BCO1: variants seen among roughly 807,000 people sequenced by gnomAD.
BCO1 encodes beta,beta-carotene 15,15'-dioxygenase.
Under a neutral mutation model 56.3 loss-of-function variants are expected in BCO1, and 54 were observed. That is an observed-to-expected ratio of 0.96 (90% CI 0.77 to 1.20). The LOEUF is 1.20. BCO1 is among the 50% of genes most tolerant of loss of function. The pLI is 0.00. For synonymous variants in BCO1, 318 were observed against 266.1 expected, an observed-to-expected ratio of 1.20 and a Z score of -1.90; for missense variants, 801 against 690.9, an observed-to-expected ratio of 1.16 and a Z score of -1.79.
At chr16:81,278,971 G>T (rs916103111) in intron 7 of BCO1, among the ~76,000 whole-genome samples, 1 of 152,104 alleles carries the variant, frequency 6.6e-6, no homozygotes, top group African/African-American at 2.4e-5. Context: ...AAATAGGTTG[G>T]TTTTAATTAT....
At chr16:81,244,097 G>A (rs1388775041) in intron 1 of BCO1, among the ~76,000 whole-genome samples, 1 of 152,222 alleles carries the variant, frequency 6.6e-6, no homozygotes, top group Non-Finnish European at 1.5e-5. Context: ...CTGCATGTAG[G>A]CAAAGCCTGC....
chr16:81,261,564 G>A (rs1446526699), intron 3 of BCO1, among the ~76,000 whole-genome samples: 5 of 152,088 alleles, frequency 3.3e-5, no homozygotes, highest in African/African-American at 9.7e-5. Context: ...TGGCTCTGAT[G>A]TTAGAGACCT....
At position 81,245,591 on chromosome 16, in the gene BCO1, A is replaced by G. The variant is rs761525134; in HGVS notation, c.181A>G (p.Thr61Ala). Residue 61 changes from threonine to alanine, a missense_variant, in exon 2 of 11, where the codon ACC becomes GCC. Transcript: ENST00000258168. ...FDGLALLHSF[T>A]IRDGEVYYRS... ...CGGCCTTGCCCTGCTCCACAGCTTCACCATCAGAGACGGTGAGAACACCCA... is the reference window on the plus strand; with the variant it reads ...CGGCCTTGCCCTGCTCCACAGCTTCGCCATCAGAGACGGTGAGAACACCCA... 4 of 1,614,056 alleles carry G rather than the reference A, an allele frequency of 2.5e-6. No individual in the cohort carries two copies. The highest frequency in any genetic ancestry group is 1.7e-6 in the Non-Finnish European group (2 of 1,180,042).
At chr16:81,266,787 C>T (rs759929633) in intron 5 of BCO1, among the ~76,000 whole-genome samples, 3 of 152,168 alleles carry the variant, frequency 2.0e-5, no homozygotes, top group Non-Finnish European at 4.4e-5. Flanking sequence ...TCCATGCTGG[C>T]GGTGGCACTG....
At chr16:81,250,342 C>G (rs1304623054) in intron 2 of BCO1, among the ~76,000 whole-genome samples, 1 of 152,182 alleles carries the variant, frequency 6.6e-6, no homozygotes, top group Non-Finnish European at 1.5e-5. Flanking sequence ...TCCCAATCCT[C>G]TCAGTGCTGC....
intron 7 of BCO1, among the ~76,000 whole-genome samples, chr16:81,271,551 T>C (rs1417942862): frequency 3.3e-5 from 5 of 152,098 alleles, no homozygotes; most frequent in African/African-American, 1.2e-4. Flanking sequence ...CTCCTAGTCT[T>C]CCCCTCCCTG....
intron 6 of BCO1, among the ~76,000 whole-genome samples, chr16:81,268,361 G>A (rs1029009432): frequency 3.3e-5 from 5 of 152,148 alleles, no homozygotes; most frequent in African/African-American, 9.7e-5. Flanking sequence ...GTCCAGGCAA[G>A]GGGGTGCCAT....
At chr16:81,245,751 G>A (rs1597344200) in intron 2 of BCO1, 148 bp downstream of exon 2, 1 of 998,858 alleles carries the variant, frequency 1.0e-6, no homozygotes, top group Non-Finnish European at 1.5e-6. Context: ...TGTTCATAGG[G>A]CCACATTCAG....
chr16:81,252,380 C>T (rs904363893), intron 2 of BCO1, among the ~76,000 whole-genome samples: 4 of 152,030 alleles, frequency 2.6e-5, no homozygotes, highest in South Asian at 2.1e-4. Flanking sequence ...CTCAGCCTCC[C>T]GAGTGGCTGG....
At chr16:81,276,610 G>A (rs567241342) in intron 7 of BCO1, among the ~76,000 whole-genome samples, 2 of 152,186 alleles carry the variant, frequency 1.3e-5, no homozygotes, top group East Asian at 3.8e-4. Flanking sequence ...GAGTCCTGGG[G>A]TTCTCAATTC....
intron 7 of BCO1, 151 bp downstream of exon 7, chr16:81,270,567 C>T (rs528095966): frequency 8.6e-6 from 9 of 1,049,906 alleles, no homozygotes; most frequent in Admixed American, 5.4e-5. Flanking sequence ...AAAGTAGTAC[C>T]GATTCATAAT....
At chr16:81,257,451 G>C (rs1038971579) in intron 2 of BCO1, among the ~76,000 whole-genome samples, 1 of 151,862 alleles carries the variant, frequency 6.6e-6, no homozygotes, top group Non-Finnish European at 1.5e-5. Flanking sequence ...TTTTAGTAGA[G>C]ATGGGGTTTC....
rs779898920 is a variant in BCO1, at chr16:81,259,676, G to A, written c.194G>A (p.Gly65Asp). 2 of 1,614,168 alleles carry A rather than the reference G, an allele frequency of 1.2e-6. No individual in the cohort carries two copies. The highest frequency in any genetic ancestry group is 1.7e-6 in the Non-Finnish European group (2 of 1,180,020). Residue 65 changes from glycine (G) to aspartate (D), a missense_variant and splice_region_variant, in exon 3 of 11, where the codon GGT becomes GAT. By Grantham distance (94) the Gly-to-Asp change is moderately conservative. Transcript: ENST00000258168. ...ALLHSFTIRD[G>D]EVYYRSKYLR... ...GATTATGCTGGTTCTTCTCTTGCAGGTGAAGTCTATTACAGGAGCAAATAC... is the reference window on the plus strand; with the variant it reads ...GATTATGCTGGTTCTTCTCTTGCAGATGAAGTCTATTACAGGAGCAAATAC...
At chr16:81,257,345 G>A (rs949628046) in intron 2 of BCO1, among the ~76,000 whole-genome samples, 2 of 151,948 alleles carry the variant, frequency 1.3e-5, no homozygotes, top group Non-Finnish European at 2.9e-5. Flanking sequence ...GCTCACTGCA[G>A]CCTCTGCCTC....
chr16:81,269,704 A>G lies in BCO1; in HGVS notation c.844-455A>G, dbSNP rs376719163. 9.9e-5 allele frequency among the ~76,000 whole-genome samples: 15 copies of G among 152,186 alleles called. No homozygotes were observed. The East Asian group carries it at 2.5e-3, about 25-fold the overall frequency. ...GGCTAGTCTTGAACTCCTGACCTCAAGTGATCCACCTGCCCGGCCTCCCAA... is the reference window on the plus strand; with the variant it reads ...GGCTAGTCTTGAACTCCTGACCTCAGGTGATCCACCTGCCCGGCCTCCCAA... On this transcript the variant is annotated intron_variant, in intron 6 of 10. Coordinates refer to ENST00000258168, the MANE Select transcript of BCO1 (RefSeq NM_017429.3).
chr16:81,239,356 A>G (rs761805577), intron 1 of BCO1, among the ~76,000 whole-genome samples: 4 of 152,124 alleles, frequency 2.6e-5, no homozygotes, highest in Admixed American at 6.6e-5. Context: ...TTTCCTGATG[A>G]TATAAGTAAT....
At position 81,267,933 on chromosome 16, in the gene BCO1, C is replaced by G; in HGVS notation, c.645C>G (p.Pro215=). The change falls in exon 6 of 11, where the codon CCC becomes CCG. Residue 215 remains proline (P), a synonymous_variant. Transcript: ENST00000258168. ...VPEGKKQGKS[P]WKHTEVFCSI... is the part of the protein sequence containing the mutation. ...AGGGCAAGAAGCAGGGGAAGAGCCC[C>G]TGGAAGCACACAGAGGTGTTCTGCT... The G allele has an allele frequency of 1.2e-6, 2 of 1,613,950 alleles. No individual in the cohort carries two copies. The highest frequency in any genetic ancestry group is 1.7e-6 in the Non-Finnish European group (2 of 1,180,016).
intron 1 of BCO1, among the ~76,000 whole-genome samples, chr16:81,240,851 T>TG (rs1905075314): frequency 6.6e-6 from 1 of 150,494 alleles, no homozygotes; most frequent in Non-Finnish European, 1.5e-5. Flanking sequence ...TTTTTTTTTT[T>TG]GAGAAGGAGT....
chr16:81,280,919 A>G lies in BCO1; in HGVS notation c.1164A>G (p.Glu388=), dbSNP rs138145629. The G allele has an allele frequency of 3.7e-6, 6 of 1,614,160 alleles. No homozygotes were observed. In the African/African-American group the frequency reaches 8.0e-5, roughly 22 times the overall value. The part of the protein sequence containing the change: ...VASTTATALK[E]EDGQVYCQPE... ...CTACAACAGCCACGGCCCTGAAGGA[A>G]GAAGATGGCCAAGTCTACTGCCAGC... The change falls in exon 8 of 11, where the codon GAA becomes GAG. Residue 388 remains glutamate (E), a synonymous_variant. Transcript: ENST00000258168.
Sources: gnomAD v4.1 joint callset for allele counts (sites outside exome capture counted in the v4.1 genomes callset) on GRCh38, gnomAD v4.1.1 for gene constraint, MANE v1.5 for transcripts, NCBI Gene and HGNC (gene_info 2026-07-23, HGNC 2026-07-21) for gene names.